METTL15: variants seen among roughly 807,000 people sequenced by gnomAD.
METTL15 encodes the protein methyltransferase 15, mitochondrial 12S rRNA N4-cytidine.
METTL15 carries 34 observed loss-of-function variants against 38.3 expected under a neutral mutation model. The observed-to-expected ratio is 0.89, with a 90% CI of 0.68 to 1.18. The LOEUF (loss-of-function observed/expected upper bound fraction) is 1.18, where lower values mean the gene tolerates loss of function less well. METTL15 is among the 50% of genes most tolerant of loss of function. METTL15 has a pLI of 0.00. For missense variants in METTL15, 438 were observed against 498.4 expected (o/e 0.88, Z 1.15); for synonymous variants, 162 against 170.9 (o/e 0.95, Z 0.41).
In METTL15 at chr11:28,452,489, G is replaced by A. The variant is rs1851131624; in HGVS notation, c.*424+28125G>A. Among the ~76,000 whole-genome samples the A allele has an allele frequency of 2.0e-5, 3 of 152,164 alleles. 1 individual carries two copies. In the South Asian group the frequency reaches 6.2e-4, roughly 31 times the overall value. On this transcript the variant is annotated intron_variant and NMD_transcript_variant, in intron 6 of 7. Transcript: ENST00000532947. ...TACTTGGTGAGAAACAATGCTGTAT[G>A]TGATACATAACAGGGTATAAACATT...
chr11:28,436,375 A>G (rs1171773538), intron 6 of METTL15, among the ~76,000 whole-genome samples: 1 of 152,208 alleles, frequency 6.6e-6, no homozygotes, highest in African/African-American at 2.4e-5. Flanking sequence ...GTGGCTTAAA[A>G]TAACAACTGT....
At chr11:28,489,093 A>G (rs938992784) in intron 6 of METTL15, among the ~76,000 whole-genome samples, 1 of 152,102 alleles carries the variant, frequency 6.6e-6, no homozygotes, top group Non-Finnish European at 1.5e-5. Context: ...ATCACTACCA[A>G]TTCAATGGGT....
chr11:28,476,130 G>C lies in METTL15; in HGVS notation c.*425-50348G>C, dbSNP rs1254236921. 2.0e-5 allele frequency among the ~76,000 whole-genome samples: 3 copies of C among 152,296 alleles called. No homozygotes were observed. In the East Asian group the frequency reaches 5.8e-4, roughly 29 times the overall value. On this transcript the variant is annotated intron_variant and NMD_transcript_variant, in intron 6 of 7. Transcript: ENST00000532947. Reference sequence around the variant, plus strand: ...ATTTATATTTGACTCTCTCACAGAGGCTCCCCACTGGGTTGCTTTCTAGGA... The same window carrying C: ...ATTTATATTTGACTCTCTCACAGAGCCTCCCCACTGGGTTGCTTTCTAGGA...
At chr11:28,245,953 A>G (rs942354774) in intron 4 of METTL15, among the ~76,000 whole-genome samples, 1 of 152,206 alleles carries the variant, frequency 6.6e-6, no homozygotes, top group African/African-American at 2.4e-5. Context: ...CATGGGAATT[A>G]CAATTTGACA....
chr11:28,241,973 A>G (rs1197499960), intron 4 of METTL15, among the ~76,000 whole-genome samples: 2 of 152,190 alleles, frequency 1.3e-5, no homozygotes, highest in African/African-American at 4.8e-5. Context: ...AGTGAGTGAC[A>G]TTGTCTGACA....
intron 5 of METTL15, among the ~76,000 whole-genome samples, chr11:28,392,989 A>T (rs1207680498): frequency 6.6e-6 from 1 of 152,122 alleles, no homozygotes; most frequent in Non-Finnish European, 1.5e-5. Context: ...CAACGGGGAA[A>T]AAAAAGAAAA....
chr11:28,421,083 T>C (rs1850816295), intron 5 of METTL15, among the ~76,000 whole-genome samples: 2 of 151,926 alleles, frequency 1.3e-5, no homozygotes, highest in Non-Finnish European at 2.9e-5. Context: ...CTTGAGCAAC[T>C]ATATGTGAAT....
intron 4 of METTL15, among the ~76,000 whole-genome samples, chr11:28,232,386 A>G (rs1387713216): frequency 1.3e-5 from 2 of 151,862 alleles, no homozygotes; most frequent in Non-Finnish European, 2.9e-5. Context: ...GATACTCTAT[A>G]TTATAAATAA....
At chr11:28,470,775 C>T (rs1029948049) in intron 6 of METTL15, among the ~76,000 whole-genome samples, 6 of 152,046 alleles carry the variant, frequency 3.9e-5, no homozygotes, top group Admixed American at 1.3e-4. Flanking sequence ...CAGTAAATTT[C>T]CTTTTTGTTA....
intron 6 of METTL15, among the ~76,000 whole-genome samples, chr11:28,317,629 T>A (rs907270069): frequency 2.6e-5 from 4 of 152,176 alleles, no homozygotes; most frequent in African/African-American, 9.6e-5. Flanking sequence ...ATCCCAGAAC[T>A]AAAAATTGCA....
At chr11:28,250,190 A>G (rs1401219944) in intron 4 of METTL15, among the ~76,000 whole-genome samples, 2 of 151,950 alleles carry the variant, frequency 1.3e-5, no homozygotes, top group Non-Finnish European at 2.9e-5. Flanking sequence ...AACATAGTGT[A>G]CATGTATCTT....
At position 28,400,588 on chromosome 11, in the gene METTL15, C is replaced by T. The variant is rs1397400710; in HGVS notation, c.*359-23711C>T. On this transcript the variant is annotated intron_variant and NMD_transcript_variant, in intron 5 of 7. Transcript: ENST00000532947. ...TGGAGTCTGAGTTCCCCCCATCCCTCACCCCTCTTGAGGTCCAAAGGTTAC... is the reference window on the plus strand; with the variant it reads ...TGGAGTCTGAGTTCCCCCCATCCCTTACCCCTCTTGAGGTCCAAAGGTTAC... Among the ~76,000 whole-genome samples, 3 of 151,970 alleles carry T rather than the reference C, an allele frequency of 2.0e-5. No individual in the cohort carries two copies. In the East Asian group the frequency reaches 5.8e-4, roughly 29 times the overall value.
chr11:28,448,444 CT>C (rs1294603042), intron 6 of METTL15, among the ~76,000 whole-genome samples: 1 of 152,120 alleles, frequency 6.6e-6, no homozygotes, highest in Non-Finnish European at 1.5e-5. Context: ...GATCTTGCTT[CT>C]CATGGGTCTT....
At position 28,123,795 on chromosome 11, in the gene METTL15, A is replaced by G. The variant is rs1852352096; in HGVS notation, c.270+10191A>G. 2.5e-6 allele frequency: 3 copies of G among 1,208,386 alleles called. No individual in the cohort carries two copies. The South Asian group carries it at 4.6e-5, about 19-fold the overall frequency. The allele number at this position is 1,208,386 out of a possible 1,614,324, so 74.9% of individuals were successfully genotyped here. Reference sequence around the variant, plus strand: ...CCTGTGTCATCTGTAATAGGTTTCTATATAATTAAATTTCAAGATAAAACT... The same window carrying G: ...CCTGTGTCATCTGTAATAGGTTTCTGTATAATTAAATTTCAAGATAAAACT... On this transcript the variant is annotated intron_variant, in intron 3 of 6. Coordinates refer to ENST00000407364, the MANE Select transcript of METTL15 (RefSeq NM_001113528.2).
At chr11:28,384,031 G>C (rs974166602) in intron 5 of METTL15, among the ~76,000 whole-genome samples, 1 of 151,910 alleles carries the variant, frequency 6.6e-6, no homozygotes, top group Non-Finnish European at 1.5e-5. Context: ...TCATTGTTTA[G>C]CTCCCACTTA....
At chr11:28,386,955 T>A (rs1225097166) in intron 5 of METTL15, among the ~76,000 whole-genome samples, 1 of 151,942 alleles carries the variant, frequency 6.6e-6, no homozygotes, top group African/African-American at 2.4e-5. Context: ...TATTGAAGAA[T>A]CATTGGGTCA....
intron 6 of METTL15, among the ~76,000 whole-genome samples, chr11:28,430,889 C>T (rs1262430724): frequency 1.7e-5 from 2 of 119,970 alleles, no homozygotes; most frequent in Non-Finnish European, 3.6e-5. Context: ...GCCGCCCCGT[C>T]CGGGAGGGAG....
intron 4 of METTL15, among the ~76,000 whole-genome samples, chr11:28,255,853 G>A (rs749476858): frequency 2.6e-5 from 4 of 152,114 alleles, no homozygotes; most frequent in Non-Finnish European, 4.4e-5. Context: ...ACAGGCATGT[G>A]CCACCACTCC....
intron 3 of METTL15, among the ~76,000 whole-genome samples, chr11:28,128,508 T>A (rs1005046543): frequency 2.0e-5 from 3 of 152,128 alleles, no homozygotes; most frequent in African/African-American, 4.8e-5. Flanking sequence ...TCTTAAAAAT[T>A]GGACATGTTG....
Sources: gnomAD v4.1 joint callset for allele counts (sites outside exome capture counted in the v4.1 genomes callset) on GRCh38, gnomAD v4.1.1 for gene constraint, MANE v1.5 for transcripts, NCBI Gene and HGNC (gene_info 2026-07-23, HGNC 2026-07-21) for gene names.